CNOT1: variants seen among roughly 807,000 people sequenced by gnomAD.
CNOT1 encodes CCR4-NOT transcription complex subunit 1.
Under a neutral mutation model 273.8 loss-of-function variants are expected in CNOT1, and 15 were observed. The observed-to-expected ratio is 0.05, with a 90% confidence interval of 0.04 to 0.08. The LOEUF (loss-of-function observed/expected upper bound fraction) is 0.08. Among genes scored for constraint, CNOT1 ranks in the 10% least tolerant of loss-of-function variants. The probability of loss-of-function intolerance (pLI) is 1.00; values close to 1 mark genes in which losing one functional copy is unlikely to be tolerated. For synonymous variants in CNOT1, 1,022 were observed against 1,005.5 expected (o/e 1.02, Z -0.31); for missense variants, 1,644 against 2,912.2 (o/e 0.56, Z 10.02).
At chr16:58,599,653 A>G in intron 1 of CNOT1, 142 bp from the exon 2 acceptor site, 1 of 435,096 alleles carries the variant, frequency 2.3e-6, no homozygotes, top group South Asian at 8.4e-5. Flanking sequence ...GGGTTAAACT[A>G]CCATCGTCTC....
At chr16:58,566,516 G>A (rs1346988100) in intron 16 of CNOT1, among the ~76,000 whole-genome samples, 1 of 152,206 alleles carries the variant, frequency 6.6e-6, no homozygotes, top group East Asian at 1.9e-4. Flanking sequence ...ACTGCAGATG[G>A]ATTAAAATGT....
rs140593113 is a variant in CNOT1 at position 58,534,545 on chromosome 16, T to C, written c.5647-150A>G. The C allele has an allele frequency of 5.8e-4, 588 of 1,019,790 alleles. 2 individuals are homozygous for C. The African/African-American group carries it at 8.1e-3, about 14-fold the overall frequency. 63.2% of individuals were successfully genotyped at this position (1,019,790 alleles called of 1,614,324 possible). The stretch of plus-strand genomic sequence containing the variant: ...CATTGTAATAAATGTATTATCAGAA[T>C]TATTTTCCCATTAAGGTGCCATGAC... On this transcript the variant is annotated intron_variant, in intron 39 of 48. Coordinates refer to ENST00000317147, the MANE Select transcript of CNOT1 (RefSeq NM_016284.5).
chr16:58,531,899 TA>T lies in CNOT1; in HGVS notation c.6177+58del, dbSNP rs2151904248. On this transcript the variant is annotated intron_variant, in intron 42 of 48. Coordinates refer to ENST00000317147, the MANE Select transcript of CNOT1 (RefSeq NM_016284.5). ...ACTAATAGAAATCTATAGGCAATGC[TA>T]ATAAATAAGCCCAGGTAGTTATAGT... 3 of 1,583,002 alleles carry T rather than the reference TA, an allele frequency of 1.9e-6. No individual in the cohort carries two copies. The East Asian group carries it at 6.7e-5, about 35-fold the overall frequency.
chr16:58,554,939 A>AG lies in CNOT1; in HGVS notation c.2891+311_2891+312insC, dbSNP rs3045182. Among the ~76,000 whole-genome samples, 18 of 148,128 alleles carry AG rather than the reference A, an allele frequency of 1.2e-4. 1 individual carries two copies. Among genetic ancestry groups the AG allele is most frequent in the South Asian group, 4.3e-4 (2 of 4,638 alleles). ...GGACAGAGCAAGACTCCATCTCAAA[A>AG]AAAAAAAAAAAAAAGCTTCAGGCCA... On this transcript the variant is annotated intron_variant, in intron 21 of 48. Transcript: ENST00000317147.
At chr16:58,614,517 A>G (rs1374309552) in intron 1 of CNOT1, among the ~76,000 whole-genome samples, 1 of 124,150 alleles carries the variant, frequency 8.1e-6, no homozygotes, top group Non-Finnish European at 1.9e-5. Context: ...TTTCTAGCAA[A>G]AGCTTCCCTG....
At chr16:58,596,297 C>T (rs752098189) in intron 2 of CNOT1, among the ~76,000 whole-genome samples, 1 of 152,172 alleles carries the variant, frequency 6.6e-6, no homozygotes, top group Non-Finnish European at 1.5e-5. Context: ...CTCTGCAGTC[C>T]TTCCTTCTAG....
chr16:58,551,159 A>G lies in CNOT1; in HGVS notation c.3315T>C (p.Asn1105=), dbSNP rs777686168. The part of the protein sequence containing the change: ...IQEKIAFIFN[N]LSQSNMTQKV... ...TTTGTGTCATATTTGACTGTGAGAG[A>G]TTATTGAAAATAAAAGCAATTTTCT... The change falls in exon 24 of 49, where the codon AAT becomes AAC. Residue 1105 remains asparagine (N), a synonymous_variant. Coordinates refer to ENST00000317147, the MANE Select transcript of CNOT1 (RefSeq NM_016284.5). The G allele has an allele frequency of 6.2e-7, 1 of 1,608,436 alleles. No homozygotes were observed. Among genetic ancestry groups the G allele is most frequent in the Admixed American group, 1.7e-5 (1 of 58,430 alleles).
intron 1 of CNOT1, among the ~76,000 whole-genome samples, chr16:58,618,473 T>C (rs956009757): frequency 5.9e-5 from 9 of 151,834 alleles, no homozygotes; most frequent in African/African-American, 1.7e-4. Flanking sequence ...TCCCAGCTAC[T>C]TGGGAGGCTG....
At chr16:58,543,411 G>GAAAAAAAAAA in intron 31 of CNOT1, 196 bp downstream of exon 31, 1 of 1,348,060 alleles carries the variant, frequency 7.4e-7, no homozygotes. Context: ...GAATATAACA[G>GAAAAAAAAAA]AAAAAAAAAA....
At chr16:58,560,937 A>C (rs932504334) in intron 16 of CNOT1, among the ~76,000 whole-genome samples, 5 of 152,184 alleles carry the variant, frequency 3.3e-5, no homozygotes, top group Non-Finnish European at 5.9e-5. Context: ...AGGCAGGAGA[A>C]TCACTCGAAT....
chr16:58,563,924 G>A (rs1196442986), intron 16 of CNOT1, among the ~76,000 whole-genome samples: 1 of 152,182 alleles, frequency 6.6e-6, no homozygotes, highest in Non-Finnish European at 1.5e-5. Context: ...ACTGCTCACT[G>A]CAACACTGTA....
At chr16:58,552,537 T>C (rs1342099180) in intron 22 of CNOT1, among the ~76,000 whole-genome samples, 1 of 152,176 alleles carries the variant, frequency 6.6e-6, no homozygotes, top group Non-Finnish European at 1.5e-5. Flanking sequence ...TCTCCAAGTC[T>C]TTCAAGCTCT....
intron 10 of CNOT1, among the ~76,000 whole-genome samples, chr16:58,582,236 G>T (rs1055781885): frequency 2.6e-5 from 4 of 152,078 alleles, no homozygotes; most frequent in African/African-American, 9.7e-5. Context: ...AGGGTGCAGT[G>T]AGCTGTGATC....
At chr16:58,568,566 C>G (rs1481142830) in intron 16 of CNOT1, among the ~76,000 whole-genome samples, 1 of 150,466 alleles carries the variant, frequency 6.6e-6, no homozygotes, top group Non-Finnish European at 1.5e-5. Flanking sequence ...CTCCTGTAAT[C>G]CCAGCTACTC....
At position 58,580,741 on chromosome 16, in the gene CNOT1, G is replaced by C. The variant is rs1377910433; in HGVS notation, c.1235C>G (p.Ser412Cys). The C allele has an allele frequency of 1.2e-6, 2 of 1,611,694 alleles. No homozygotes were observed. Among genetic ancestry groups the C allele is most frequent in the South Asian group, 2.2e-5 (2 of 90,612 alleles). The change falls in exon 12 of 49, where the codon TCC becomes TGC. Residue 412 changes from serine to cysteine, a missense_variant. By Grantham distance (112) the Ser-to-Cys change is moderately radical. This residue lies in a region of CNOT1 where 706 missense variants were observed against 1,021.2 expected (regional missense o/e 0.69). Transcript: ENST00000317147. The part of the protein sequence containing the change: ...AEGQLSFIQH[S>C]LINPEIFCFA... ...ACAGAAGATCTCTGGATTTATAAGG[G>C]AATGTTGAATGAAGGAGAGCTGCAA...
At chr16:58,594,710 G>A (rs554103750) in intron 2 of CNOT1, among the ~76,000 whole-genome samples, 1 of 151,564 alleles carries the variant, frequency 6.6e-6, no homozygotes, top group East Asian at 1.9e-4. Flanking sequence ...GGAGAGGCTT[G>A]GAAATCACTT....
intron 1 of CNOT1, among the ~76,000 whole-genome samples, chr16:58,601,692 C>A: frequency 1.5e-5 from 2 of 134,366 alleles, no homozygotes; most frequent in Admixed American, 8.3e-5. Context: ...TTTATGTACA[C>A]AAATCAAAGG....
Position 58,576,596 on chromosome 16 carries a change from G to A in CNOT1, c.1585-14C>T. ...GGGAGACTGTCCCTAAAAAGGGGAA[G>A]AAAGATTAAATAGCAATACTGCTAA... On this transcript the variant is annotated splice_polypyrimidine_tract_variant and intron_variant, in intron 13 of 48. Coordinates refer to ENST00000317147, the MANE Select transcript of CNOT1 (RefSeq NM_016284.5). The A allele has an allele frequency of 2.5e-6, 4 of 1,613,942 alleles. No homozygotes were observed. Among genetic ancestry groups the A allele is most frequent in the Non-Finnish European group, 3.4e-6 (4 of 1,179,894 alleles).
intron 1 of CNOT1, among the ~76,000 whole-genome samples, chr16:58,624,040 T>C (rs2043458592): frequency 6.6e-6 from 1 of 151,652 alleles, no homozygotes; most frequent in Non-Finnish European, 1.5e-5. Context: ...TAAGCCACTC[T>C]AGCAAGTTAA....
Sources: gnomAD v4.1 joint callset for allele counts (sites outside exome capture counted in the v4.1 genomes callset) on GRCh38, gnomAD v4.1.1 for gene constraint, gnomAD v4.1.1 regional missense constraint, MANE v1.5 for transcripts, NCBI Gene and HGNC (gene_info 2026-07-23, HGNC 2026-07-21) for gene names.